The following CAMKMT variants were observed in gnomAD, a reference collection of about 807,000 sequenced individuals.
CAMKMT encodes the protein calmodulin-lysine N-methyltransferase.
Under a neutral mutation model 48.0 loss-of-function variants are expected in CAMKMT, and 53 were observed. The observed-to-expected ratio is 1.10, with a 90% CI of 0.89 to 1.39. The LOEUF is 1.39. Ranked by LOEUF, CAMKMT falls within the 40% of genes most tolerant of loss-of-function variation. The pLI, the probability that CAMKMT is intolerant of heterozygous loss-of-function variation, is 0.00. For missense variants in CAMKMT, 428 were observed against 402.7 expected (o/e 1.06, Z -0.54); for synonymous variants, 165 against 152.3 (o/e 1.08, Z -0.61).
At chr2:44,441,350 T>A (rs191575849) in intron 3 of CAMKMT, among the ~76,000 whole-genome samples, 1 of 152,184 alleles carries the variant, frequency 6.6e-6, no homozygotes, top group African/African-American at 2.4e-5. Flanking sequence ...TGATAACATC[T>A]AGGATAACAA....
chr2:44,506,017 G>A (rs786408), intron 3 of CAMKMT, among the ~76,000 whole-genome samples: 95,408 of 151,638 alleles, frequency 0.63, 30,542 homozygotes, highest in Admixed American at 0.69. Flanking sequence ...ACCATGCCTG[G>A]CTAATTTTTG....
intron 3 of CAMKMT, among the ~76,000 whole-genome samples, chr2:44,498,855 C>T (rs1669878137): frequency 6.6e-6 from 1 of 152,132 alleles, no homozygotes; most frequent in African/African-American, 2.4e-5. Flanking sequence ...TCTCTTTTGA[C>T]TGTTGGAAAT....
At chr2:44,418,772 G>A (rs1067383) in intron 3 of CAMKMT, among the ~76,000 whole-genome samples, 114,235 of 152,134 alleles carry the variant, frequency 0.75, 44,016 homozygotes, top group African/African-American at 0.89. Context: ...ATCAATGTCT[G>A]CTAAGAAGTC....
At chr2:44,561,769 T>G (rs901279742) in intron 3 of CAMKMT, among the ~76,000 whole-genome samples, 2 of 152,170 alleles carry the variant, frequency 1.3e-5, no homozygotes, top group African/African-American at 2.4e-5. Context: ...TCTGGTCACA[T>G]TGGATCCCCT....
At chr2:44,684,547 A>G (rs558978947) in intron 3 of CAMKMT, among the ~76,000 whole-genome samples, 51 of 152,128 alleles carry the variant, frequency 3.4e-4, no homozygotes, top group Admixed American at 1.6e-3. Flanking sequence ...TAAAGCGTCC[A>G]TTCTAGGACT....
At chr2:44,741,399 A>G (rs534365815) in intron 7 of CAMKMT, among the ~76,000 whole-genome samples, 2 of 152,352 alleles carry the variant, frequency 1.3e-5, no homozygotes, top group South Asian at 2.1e-4. Context: ...TTCTCATTGT[A>G]TGTTACATGA....
chr2:44,444,269 C>T (rs1385508759), intron 3 of CAMKMT, among the ~76,000 whole-genome samples: 6 of 152,052 alleles, frequency 3.9e-5, no homozygotes, highest in African/African-American at 1.2e-4. Context: ...TTTGAGGCGA[C>T]AGAAATGAAA....
chr2:44,575,556 A>G (rs181009575), intron 3 of CAMKMT, among the ~76,000 whole-genome samples: 139 of 152,182 alleles, frequency 9.1e-4, no homozygotes, highest in Admixed American at 1.6e-3. Context: ...TCAATATTCA[A>G]TCATTCATTT....
intron 3 of CAMKMT, among the ~76,000 whole-genome samples, chr2:44,542,204 C>G (rs927985437): frequency 6.6e-6 from 1 of 151,494 alleles, no homozygotes; most frequent in African/African-American, 2.4e-5. Flanking sequence ...CCCCTGTGAA[C>G]ATAAATTATT....
chr2:44,516,545 A>G (rs1670841534), intron 3 of CAMKMT, among the ~76,000 whole-genome samples: 1 of 152,116 alleles, frequency 6.6e-6, no homozygotes, highest in African/African-American at 2.4e-5. Flanking sequence ...TATCAAAATA[A>G]TTCTATTTGG....
At chr2:44,679,638 G>A (rs1002497614) in intron 3 of CAMKMT, among the ~76,000 whole-genome samples, 2 of 152,202 alleles carry the variant, frequency 1.3e-5, no homozygotes, top group Non-Finnish European at 2.9e-5. Context: ...TTAACAATGA[G>A]TTGAGTATTC....
At chr2:44,592,069 G>C (rs1005126718) in intron 3 of CAMKMT, among the ~76,000 whole-genome samples, 9 of 151,580 alleles carry the variant, frequency 5.9e-5, no homozygotes, top group African/African-American at 1.9e-4. Flanking sequence ...GTTGTGGGGT[G>C]GGGGGAAGGG....
intron 3 of CAMKMT, among the ~76,000 whole-genome samples, chr2:44,507,189 G>A (rs910388604): frequency 1.3e-5 from 2 of 151,920 alleles, no homozygotes; most frequent in South Asian, 2.1e-4. Context: ...ACAGATTAAT[G>A]GCTAAATTTT....
intron 9 of CAMKMT, among the ~76,000 whole-genome samples, chr2:44,756,908 T>G (rs889435117): frequency 1.3e-5 from 2 of 152,184 alleles, no homozygotes; most frequent in Non-Finnish European, 2.9e-5. Flanking sequence ...AAGTTCATAG[T>G]GTGGCCCCAG....
chr2:44,378,310 A>G (rs1194622421), intron 2 of CAMKMT, among the ~76,000 whole-genome samples: 10 of 152,204 alleles, frequency 6.6e-5, no homozygotes, highest in Admixed American at 6.5e-4. Context: ...GTAAATTGAA[A>G]TGTTCCCTTA....
intron 3 of CAMKMT, among the ~76,000 whole-genome samples, chr2:44,598,897 C>G (rs1300460635): frequency 1.3e-5 from 2 of 151,526 alleles, no homozygotes; most frequent in East Asian, 1.9e-4. Context: ...AAGTTGCTAA[C>G]TGGAATTGCA....
intron 3 of CAMKMT, among the ~76,000 whole-genome samples, chr2:44,478,979 G>A (rs1346317599): frequency 6.6e-6 from 1 of 152,170 alleles, no homozygotes; most frequent in East Asian, 1.9e-4. Context: ...GATTACAGGC[G>A]TGAGCCACCG....
At chr2:44,412,658 C>T (rs1683291381) in intron 3 of CAMKMT, among the ~76,000 whole-genome samples, 1 of 152,016 alleles carries the variant, frequency 6.6e-6, no homozygotes, top group South Asian at 2.1e-4. Flanking sequence ...TGACTCAATA[C>T]ATTTCATTGA....
chr2:44,545,681 CTTTTT>C (rs71393283), intron 3 of CAMKMT, among the ~76,000 whole-genome samples: 2 of 135,656 alleles, frequency 1.5e-5, no homozygotes, highest in African/African-American at 5.5e-5. Context: ...TAGACTCGGT[CTTTTT>C]TTTTTTTTTT....
Sources: gnomAD v4.1 joint callset for allele counts (sites outside exome capture counted in the v4.1 genomes callset) on GRCh38, gnomAD v4.1.1 for gene constraint, MANE v1.5 for transcripts, NCBI Gene and HGNC (gene_info 2026-07-23, HGNC 2026-07-21) for gene names.